HMCN1: variants seen among roughly 807,000 people sequenced by gnomAD.
HMCN1 encodes hemicentin-1.
HMCN1 carries 321 observed loss-of-function variants against 625.9 expected under a neutral mutation model. The observed-to-expected ratio is 0.51, with a 90% CI of 0.47 to 0.56. The LOEUF (loss-of-function observed/expected upper bound fraction) is 0.56, where lower values mean the gene tolerates loss of function less well. Ranked by LOEUF, HMCN1 falls within the 20% of genes least tolerant of loss-of-function variation. The pLI is 0.00. For synonymous variants in HMCN1, 2,425 were observed against 2,417.6 expected, an observed-to-expected ratio of 1.00 and a Z score of -0.09; for missense variants, 6,588 against 6,887.3, an observed-to-expected ratio of 0.96 and a Z score of 1.54.
chr1:186,158,290 T>A (rs1651172997), intron 97 of HMCN1, among the ~76,000 whole-genome samples: 1 of 151,444 alleles, frequency 6.6e-6, no homozygotes, highest in African/African-American at 2.4e-5. Flanking sequence ...ATGGGGTTGT[T>A]TTTTTCTTGT....
chr1:185,891,257 CTT>C (rs1665059195), intron 4 of HMCN1, among the ~76,000 whole-genome samples: 1 of 136,266 alleles, frequency 7.3e-6, no homozygotes, highest in South Asian at 2.3e-4. Flanking sequence ...GGTCTTGACT[CTT>C]TATCCAATTT....
chr1:185,801,877 T>C (rs1658820029), intron 1 of HMCN1, among the ~76,000 whole-genome samples: 1 of 152,194 alleles, frequency 6.6e-6, no homozygotes, highest in African/African-American at 2.4e-5. Flanking sequence ...AGTTGCATCC[T>C]ATGAGCGATA....
intron 1 of HMCN1, among the ~76,000 whole-genome samples, chr1:185,842,561 C>G (rs1661542153): frequency 6.6e-6 from 1 of 151,228 alleles, no homozygotes; most frequent in African/African-American, 2.4e-5. Context: ...GAGACCCTGT[C>G]TCAACAAAAA....
chr1:186,021,110 CAT>C (rs1426856141), intron 35 of HMCN1, among the ~76,000 whole-genome samples: 1 of 151,976 alleles, frequency 6.6e-6, no homozygotes, highest in East Asian at 1.9e-4. Flanking sequence ...AATTTAGACT[CAT>C]ATGTTGGCCA....
Position 186,190,767 on chromosome 1 carries a change from CA to C in HMCN1, c.*890del, listed in dbSNP as rs1170434946. The C allele has an allele frequency of 5.1e-6, 1 of 196,020 alleles. No individual in the cohort carries two copies. The highest frequency in any genetic ancestry group is 1.1e-5 in the Non-Finnish European group (1 of 94,262). 12.1% of individuals were successfully genotyped at this position (196,020 alleles called of 1,614,324 possible). On this transcript the variant is annotated 3_prime_UTR_variant, in exon 107 of 107. Coordinates refer to ENST00000271588, the MANE Select transcript of HMCN1 (RefSeq NM_031935.3). The stretch of plus-strand genomic sequence containing the variant: ...AAATATTACACGTCAATACACTGTA[CA>C]TGGTGGTAATAGACTCTAAGCAATT...
intron 1 of HMCN1, among the ~76,000 whole-genome samples, chr1:185,745,561 A>G (rs542979438): frequency 1.1e-4 from 17 of 152,274 alleles, no homozygotes; most frequent in Admixed American, 4.6e-4. Context: ...TATATTCCTC[A>G]TTGTTAACTC....
rs760005320 is a variant in HMCN1 at position 186,114,956 on chromosome 1, C to G, written c.11404+10C>G. The G allele has an allele frequency of 6.2e-7, 1 of 1,614,054 alleles. No homozygotes were observed. The highest frequency in any genetic ancestry group is 1.1e-5 in the South Asian group (1 of 91,066). ...GATTTACAGGTCCATGGTAAATATC[C>G]GTTTATAGACAACATCCGGTCTCTG... is the stretch of plus-strand genomic sequence containing the variant. On this transcript the variant is annotated intron_variant, in intron 74 of 106. Transcript: ENST00000271588.
intron 1 of HMCN1, among the ~76,000 whole-genome samples, chr1:185,773,323 G>A (rs1311791999): frequency 6.6e-6 from 1 of 152,168 alleles, no homozygotes. Context: ...TTCAAAGACT[G>A]AAAAACTTTG....
At position 186,110,977 on chromosome 1, in the gene HMCN1, C is replaced by CTTTTTTTTTTTTTT. The variant is rs557887846; in HGVS notation, c.10990-1827_10990-1814dup. ...TACGGAAGAAAAACCAGAGAAAATT[C>CTTTTTTTTTTTTTT]TTTTTTTTTTTTTTTTTTTTTGAGA... On this transcript the variant is annotated intron_variant, in intron 71 of 106. Transcript: ENST00000271588. Among the ~76,000 whole-genome samples, 178 of 61,616 alleles carry CTTTTTTTTTTTTTT rather than the reference C, an allele frequency of 2.9e-3. 37 individuals are homozygous for CTTTTTTTTTTTTTT. The highest frequency in any genetic ancestry group is 8.2e-3 in the African/African-American group (84 of 10,186). The allele number at this position is 61,616 out of a possible 152,430, so 40.4% of individuals were successfully genotyped here.
At chr1:186,166,067 T>G in intron 98 of HMCN1, 117 bp from the exon 99 acceptor site, 2 of 1,079,792 alleles carry the variant, frequency 1.9e-6, no homozygotes, top group South Asian at 2.8e-5. Context: ...AAGCATTTTC[T>G]ATTATATTTG....
chr1:186,044,203 A>T (rs1380487460), intron 40 of HMCN1, among the ~76,000 whole-genome samples: 1 of 152,168 alleles, frequency 6.6e-6, no homozygotes, highest in Non-Finnish European at 1.5e-5. Flanking sequence ...AAATAATGTC[A>T]GTGTTTTCTG....
intron 69 of HMCN1, among the ~76,000 whole-genome samples, chr1:186,106,551 A>C (rs774735668): frequency 6.6e-6 from 1 of 152,200 alleles, no homozygotes; most frequent in Non-Finnish European, 1.5e-5. Context: ...ATTTAAACCC[A>C]TGAATATTTG....
intron 1 of HMCN1, among the ~76,000 whole-genome samples, chr1:185,742,383 T>G (rs541322910): frequency 1.2e-3 from 190 of 152,246 alleles, no homozygotes; most frequent in African/African-American, 4.2e-3. Context: ...TTGTATAGTT[T>G]GGCTGTATAT....
At chr1:185,741,393 C>G (rs892282879) in intron 1 of HMCN1, among the ~76,000 whole-genome samples, 2 of 152,050 alleles carry the variant, frequency 1.3e-5, no homozygotes, top group African/African-American at 2.4e-5. Context: ...GTCTGAGATG[C>G]CTTTTGATAC....
chr1:186,093,160 A>G lies in HMCN1; in HGVS notation c.9914A>G (p.Asn3305Ser). ...GTGAGTGCAAATGGCAGCACATTAA[A>G]CATTTATGGAGCTCTTACATCTGAC... ...IRVSANGSTL[N>S]IYGALTSDTG... is the part of the protein sequence containing the mutation. Residue 3305 changes from asparagine (N) to serine (S), a missense_variant, in exon 65 of 107, where the codon AAC becomes AGC. Asn to Ser is a conservative substitution (Grantham distance 46, BLOSUM62 1). Transcript: ENST00000271588. 6.2e-7 allele frequency: 1 copy of G among 1,613,362 alleles called. No homozygotes were observed. The highest frequency in any genetic ancestry group is 8.5e-7 in the Non-Finnish European group (1 of 1,179,548).
chr1:186,037,121 T>C (rs542650698), intron 36 of HMCN1, among the ~76,000 whole-genome samples: 1 of 152,246 alleles, frequency 6.6e-6, no homozygotes, highest in South Asian at 2.1e-4. Context: ...CTGTAGTGCA[T>C]TGAGTTAGTT....
intron 19 of HMCN1, 93 bp downstream of exon 19, chr1:185,984,406 A>C (rs1651875711): frequency 1.7e-6 from 2 of 1,146,358 alleles, no homozygotes; most frequent in Admixed American, 1.7e-5. Flanking sequence ...TCTAATTACA[A>C]TTAGATATCT....
intron 4 of HMCN1, among the ~76,000 whole-genome samples, chr1:185,878,219 T>G (rs1478426597): frequency 6.6e-6 from 1 of 152,186 alleles, no homozygotes; most frequent in East Asian, 1.9e-4. Context: ...CTTTTCTAAT[T>G]TGGATGCTTT....
intron 68 of HMCN1, among the ~76,000 whole-genome samples, chr1:186,097,339 A>G (rs1660181095): frequency 6.6e-6 from 1 of 152,218 alleles, no homozygotes; most frequent in East Asian, 1.9e-4. Flanking sequence ...CTGCATATCA[A>G]AAATATAATA....
Sources: gnomAD v4.1 joint callset for allele counts (sites outside exome capture counted in the v4.1 genomes callset) on GRCh38, gnomAD v4.1.1 for gene constraint, MANE v1.5 for transcripts, NCBI Gene and HGNC (gene_info 2026-07-23, HGNC 2026-07-21) for gene names.